SPMAP2L: variants seen among roughly 807,000 people sequenced by gnomAD.
The protein encoded by SPMAP2L is sperm microtubule associated protein 2-like.
chr4:56,623,648 T>C, the SPMAP2L span, among the ~76,000 whole-genome samples: 3 of 152,170 alleles, frequency 2.0e-5, no homozygotes, highest in African/African-American at 7.2e-5. Context: ...TTTCCTATGC[T>C]ATTATCATGA....
the SPMAP2L span, among the ~76,000 whole-genome samples, chr4:56,624,564 C>A: frequency 6.6e-6 from 1 of 152,178 alleles, no homozygotes; most frequent in Non-Finnish European, 1.5e-5. Flanking sequence ...CCAGGGTCCC[C>A]ATGCTATGTT....
chr4:56,603,221 T>C, the SPMAP2L span: 9 of 1,531,410 alleles, frequency 5.9e-6, no homozygotes, highest in Admixed American at 2.0e-5. Flanking sequence ...CTCCTGTGCG[T>C]ATTGTGTATT....
chr4:56,579,221 G>A, the SPMAP2L span, among the ~76,000 whole-genome samples: 2 of 151,976 alleles, frequency 1.3e-5, no homozygotes, highest in Non-Finnish European at 2.9e-5. Flanking sequence ...CATAAAACAA[G>A]TCTCAATAAA....
chr4:56,612,222 C>A, the SPMAP2L span, among the ~76,000 whole-genome samples: 1 of 152,172 alleles, frequency 6.6e-6, no homozygotes, highest in Non-Finnish European at 1.5e-5. Flanking sequence ...ACCCAAGGCA[C>A]TTTTGCCTTC....
At chr4:56,595,262 C>T in the SPMAP2L span, 44 of 1,612,406 alleles carry the variant, frequency 2.7e-5, no homozygotes, top group South Asian at 4.6e-4. Flanking sequence ...GACACGAGAC[C>T]CTTCAAAAAG....
chr4:56,623,094 G>C, the SPMAP2L span, among the ~76,000 whole-genome samples: 1 of 152,078 alleles, frequency 6.6e-6, no homozygotes, highest in Non-Finnish European at 1.5e-5. Flanking sequence ...TGCCTTTCTA[G>C]CCTGCCCAGG....
chr4:56,545,216 A>G, the SPMAP2L span, among the ~76,000 whole-genome samples: 4 of 152,188 alleles, frequency 2.6e-5, no homozygotes, highest in Admixed American at 2.6e-4. Flanking sequence ...CTCTGATACA[A>G]CTATGCTAGG....
the SPMAP2L span, among the ~76,000 whole-genome samples, chr4:56,615,510 G>A: frequency 6.6e-6 from 1 of 152,188 alleles, no homozygotes; most frequent in Admixed American, 6.5e-5. Flanking sequence ...ACTTTGGGAG[G>A]CCGAGGCGGG....
At chr4:56,594,439 T>G in the SPMAP2L span, 1 of 1,604,872 alleles carries the variant, frequency 6.2e-7, no homozygotes, top group Non-Finnish European at 8.5e-7. Context: ...ATCAGCAGCT[T>G]TTCTGAGAGC....
chr4:56,608,013 A>G, the SPMAP2L span, among the ~76,000 whole-genome samples: 2 of 149,148 alleles, frequency 1.3e-5, no homozygotes, highest in East Asian at 2.0e-4. Flanking sequence ...AAAAAAAAAA[A>G]GAAAGAAAGA....
the SPMAP2L span, among the ~76,000 whole-genome samples, chr4:56,561,720 A>G: frequency 6.6e-6 from 1 of 151,874 alleles, no homozygotes; most frequent in East Asian, 1.9e-4. Flanking sequence ...ACTGGAAATC[A>G]AATTTCTTTT....
the SPMAP2L span, among the ~76,000 whole-genome samples, chr4:56,549,240 G>A: frequency 6.6e-6 from 1 of 152,118 alleles, no homozygotes; most frequent in Non-Finnish European, 1.5e-5. Flanking sequence ...GCCCGCCTCT[G>A]CCTCCCAAAG....
At chr4:56,583,296 A>G in the SPMAP2L span, among the ~76,000 whole-genome samples, 1 of 151,710 alleles carries the variant, frequency 6.6e-6, no homozygotes, top group South Asian at 2.1e-4. Flanking sequence ...AAAAGGAAAA[A>G]AAAAAGAAAT....
At chr4:56,555,836 A>T in the SPMAP2L span, among the ~76,000 whole-genome samples, 1 of 152,182 alleles carries the variant, frequency 6.6e-6, no homozygotes, top group Non-Finnish European at 1.5e-5. Context: ...TGCTCTAAAG[A>T]CTAAGTTTTA....
At chr4:56,548,104 G>A in the SPMAP2L span, among the ~76,000 whole-genome samples, 8 of 152,148 alleles carry the variant, frequency 5.3e-5, no homozygotes, top group African/African-American at 1.9e-4. Flanking sequence ...GCAATGCACA[G>A]AAGGACTCAT....
chr4:56,620,130 A>G, the SPMAP2L span, among the ~76,000 whole-genome samples: 1 of 152,222 alleles, frequency 6.6e-6, no homozygotes, highest in East Asian at 1.9e-4. Flanking sequence ...GAAATGCTAG[A>G]CCAGGGCCAC....
the SPMAP2L span, among the ~76,000 whole-genome samples, chr4:56,587,555 G>A: frequency 6.6e-6 from 1 of 150,600 alleles, no homozygotes; most frequent in East Asian, 2.0e-4. Flanking sequence ...ACATATCAGT[G>A]AAAACATACA....
the SPMAP2L span, chr4:56,552,418 A>T: frequency 1.1e-5 from 7 of 616,390 alleles, no homozygotes; most frequent in Non-Finnish European, 2.9e-6. Flanking sequence ...GCCTTTCAGC[A>T]CTCTTCAAAT....
chr4:56,539,416 A>AT, the SPMAP2L span, among the ~76,000 whole-genome samples: 4 of 151,860 alleles, frequency 2.6e-5, no homozygotes, highest in Non-Finnish European at 5.9e-5. Flanking sequence ...ACCTCTTTTT[A>AT]TTTTTTACTT....
Sources: gnomAD v4.1 joint callset for allele counts (sites outside exome capture counted in the v4.1 genomes callset) on GRCh38, gnomAD v4.1.1 for gene constraint, MANE v1.5 for transcripts, NCBI Gene and HGNC (gene_info 2026-07-23, HGNC 2026-07-21) for gene names.